Variants in BEAN1 observed in about 807,000 individuals in gnomAD.
BEAN1 encodes the protein brain expressed associated with NEDD4 1.
Under a neutral mutation model 17.7 loss-of-function variants are expected in BEAN1, and 17 were observed. That is an observed-to-expected ratio of 0.96 (90% confidence interval 0.66 to 1.44). The LOEUF is 1.44. BEAN1 is among the 40% of genes most tolerant of loss of function. BEAN1 has a pLI of 0.00. For missense variants in BEAN1, 359 were observed against 374.1 expected (o/e 0.96, Z 0.33); for synonymous variants, 142 against 151.8 (o/e 0.94, Z 0.47).
intron 3 of BEAN1, among the ~76,000 whole-genome samples, chr16:66,472,801 C>A (rs1158686319): frequency 1.3e-5 from 2 of 152,038 alleles, no homozygotes; most frequent in African/African-American, 4.8e-5. Context: ...GGGAGGATCA[C>A]TTCAGACCAG....
At chr16:66,428,829 C>T (rs904785507) in intron 1 of BEAN1, among the ~76,000 whole-genome samples, 1 of 152,150 alleles carries the variant, frequency 6.6e-6, no homozygotes. Context: ...TTTGAATTCC[C>T]CAAGCTGTTG....
chr16:66,454,729 C>CTTTTTTTTTTTTTTTT (rs538469751), intron 2 of BEAN1, among the ~76,000 whole-genome samples: 8 of 83,668 alleles, frequency 9.6e-5, no homozygotes, highest in East Asian at 3.4e-4. Context: ...TTCTTTCTTT[C>CTTTTTTTTTTTTTTTT]TTTTTTTTTT....
intron 1 of BEAN1, among the ~76,000 whole-genome samples, chr16:66,430,739 T>A (rs1246408830): frequency 6.6e-6 from 1 of 152,198 alleles, no homozygotes; most frequent in Non-Finnish European, 1.5e-5. Flanking sequence ...ACCTCCAACA[T>A]CTATATATCT....
At chr16:66,488,781 T>C (rs1475490162) in intron 4 of BEAN1, among the ~76,000 whole-genome samples, 1 of 152,106 alleles carries the variant, frequency 6.6e-6, no homozygotes, top group East Asian at 1.9e-4. Context: ...CCAAGGAATG[T>C]AGGTGGCCTC....
At chr16:66,454,729 C>CTTTTTTTTTTTTTTTTTT (rs538469751) in intron 2 of BEAN1, among the ~76,000 whole-genome samples, 1 of 83,678 alleles carries the variant, frequency 1.2e-5, no homozygotes, top group Admixed American at 1.2e-4. Flanking sequence ...TTCTTTCTTT[C>CTTTTTTTTTTTTTTTTTT]TTTTTTTTTT....
chr16:66,468,849 C>T (rs970336290), intron 2 of BEAN1, among the ~76,000 whole-genome samples: 2 of 152,162 alleles, frequency 1.3e-5, no homozygotes, highest in Non-Finnish European at 2.9e-5. Flanking sequence ...AGGACTAAGT[C>T]ACCCGTCCCC....
At chr16:66,436,428 C>T (rs1219754763) in intron 1 of BEAN1, among the ~76,000 whole-genome samples, 21 of 150,136 alleles carry the variant, frequency 1.4e-4, no homozygotes, top group African/African-American at 3.2e-4. Context: ...CCACCATGCC[C>T]GGCTAATTTT....
intron 2 of BEAN1, among the ~76,000 whole-genome samples, chr16:66,460,086 A>G (rs1014406339): frequency 3.3e-5 from 5 of 152,200 alleles, no homozygotes; most frequent in African/African-American, 1.2e-4. Context: ...TCCTCTCTGC[A>G]CTGGCCCTGC....
chr16:66,479,641 C>G (rs1014133956), intron 4 of BEAN1, among the ~76,000 whole-genome samples: 6 of 152,312 alleles, frequency 3.9e-5, no homozygotes, highest in South Asian at 2.1e-4. Flanking sequence ...CCTGGGGTCT[C>G]TGTGGCCTCA....
chr16:66,484,992 C>G, downstream of BEAN1: 1 of 454,116 alleles, frequency 2.2e-6, no homozygotes, highest in South Asian at 1.6e-5. This position sits in a 1 kb window ranked among gnomAD's most constrained non-coding sequence, Gnocchi z 4.2. Flanking sequence ...TCCACAAGAG[C>G]CATCATTGGG....
chr16:66,429,741 C>T (rs1004703303), intron 1 of BEAN1, among the ~76,000 whole-genome samples: 7 of 152,190 alleles, frequency 4.6e-5, no homozygotes, highest in Admixed American at 2.6e-4. Flanking sequence ...CTAGGGGTCA[C>T]GTCGCTGTGT....
rs1379455428 is a variant in BEAN1 at position 66,434,879 on chromosome 16, G to A, written c.-82-2716G>A. 2.6e-5 allele frequency among the ~76,000 whole-genome samples: 4 copies of A among 152,106 alleles called. No individual in the cohort carries two copies. The South Asian group carries it at 6.2e-4, about 24-fold the overall frequency. Reference sequence around the variant, plus strand: ...CCATGCACTTTTGAACTTCCCCTCCGTTCCCAACCCTGAGCTAGTTTGCAG... The same window carrying A: ...CCATGCACTTTTGAACTTCCCCTCCATTCCCAACCCTGAGCTAGTTTGCAG... On this transcript the variant is annotated intron_variant, in intron 1 of 4. Transcript: ENST00000536005. The surrounding 1 kb of genome is among the most constrained non-coding windows in gnomAD (Gnocchi z 4.3).
rs913370571 is a variant in BEAN1 at position 66,473,559 on chromosome 16, C to T, written c.289+3694C>T. Among the ~76,000 whole-genome samples the T allele has an allele frequency of 3.3e-5, 5 of 152,134 alleles. No individual in the cohort carries two copies. The highest frequency in any genetic ancestry group is 9.6e-5 in the African/African-American group (4 of 41,494). Reference sequence around the variant, plus strand: ...AACATGAAAGCGGCACCACCAGGCGCGGTGCCTCACACCTATAATCCCAGC... The same window carrying T: ...AACATGAAAGCGGCACCACCAGGCGTGGTGCCTCACACCTATAATCCCAGC... On this transcript the variant is annotated intron_variant, in intron 3 of 4. Transcript: ENST00000536005. The surrounding 1 kb of genome is among the most constrained non-coding windows in gnomAD (Gnocchi z 4.5).
intron 3 of BEAN1, among the ~76,000 whole-genome samples, chr16:66,474,599 AGGGAGAG>A (rs1567505097): frequency 2.7e-3 from 33 of 12,322 alleles, no homozygotes; most frequent in African/African-American, 0.011. Flanking sequence ...GGAGGGAGGG[AGGGAGAG>A]AGGGAGGGAG....
In BEAN1 at chr16:66,481,014, C is replaced by G. The variant is rs1567510209; in HGVS notation, c.*89C>G. 1.2e-5 allele frequency: 14 copies of G among 1,143,726 alleles called. No homozygotes were observed. The highest frequency in any genetic ancestry group is 1.4e-5 in the Non-Finnish European group (12 of 836,410). 70.8% of individuals were successfully genotyped at this position (1,143,726 alleles called of 1,614,324 possible). A position where few individuals can be genotyped will look rare whatever the true frequency, so the allele number is the denominator to read the frequency against. ...AGGCGTGCACACACACACAGAGATG[C>G]ACACGTGACTCATAACACACACATA... On this transcript the variant is annotated 3_prime_UTR_variant, in exon 5 of 5. Coordinates refer to ENST00000536005, the MANE Select transcript of BEAN1 (RefSeq NM_001178020.3). The surrounding 1 kb of genome is among the most constrained non-coding windows in gnomAD (Gnocchi z 4.1).
rs999990593 is a variant in BEAN1 at position 66,434,812 on chromosome 16, C to T, written c.-82-2783C>T. On this transcript the variant is annotated intron_variant, in intron 1 of 4. Transcript: ENST00000536005. The surrounding 1 kb of genome is among the most constrained non-coding windows in gnomAD (Gnocchi z 4.3). ...TGAAAGGCAGCCTCCACCCCTCAGT[C>T]GTGCGCTTGCATCAGGCTGAGGTTG... 6.6e-6 allele frequency among the ~76,000 whole-genome samples: 1 copy of T among 152,160 alleles called. No homozygotes were observed. Among genetic ancestry groups the T allele is most frequent in the Non-Finnish European group, 1.5e-5 (1 of 68,038 alleles).
At chr16:66,457,079 C>T (rs2142408780) in intron 2 of BEAN1, among the ~76,000 whole-genome samples, 3 of 152,316 alleles carry the variant, frequency 2.0e-5, no homozygotes, top group Middle Eastern at 6.8e-3. Flanking sequence ...GCCAGGGCAG[C>T]TGTGTGGGAC....
chr16:66,455,527 A>C (rs1962831853), intron 2 of BEAN1, among the ~76,000 whole-genome samples: 2 of 152,160 alleles, frequency 1.3e-5, no homozygotes, highest in Non-Finnish European at 2.9e-5. Flanking sequence ...TGGATCAGTT[A>C]CATGATTCTC....
chr16:66,437,927 C>T (rs754527100), intron 2 of BEAN1: 40 of 635,428 alleles, frequency 6.3e-5, no homozygotes, highest in Admixed American at 1.6e-4. Context: ...TCTTCTGTAT[C>T]AGCCCTTCCC....
Sources: allele counts gnomAD v4.1 joint callset (sites outside exome capture counted in the v4.1 genomes callset), GRCh38; gene constraint gnomAD v4.1.1; non-coding constraint Gnocchi (gnomAD v3.1); transcripts MANE v1.5; gene names NCBI Gene and HGNC (gene_info 2026-07-23, HGNC 2026-07-21).